The following SPANXN3 variants were observed in gnomAD, a reference collection of about 807,000 sequenced individuals.
The protein encoded by SPANXN3 is SPANX family member N3.
In SPANXN3, 1 loss-of-function variant was observed where a neutral mutation model predicts 1.9. That is an observed-to-expected ratio of 0.54 (90% confidence interval 0.19 to 2.54). SPANXN3 has a LOEUF of 2.54. Among genes scored for constraint, SPANXN3 ranks in the 30% most tolerant of loss-of-function variants. SPANXN3 has a pLI of 0.24. For missense variants in SPANXN3, 113 were observed against 96.2 expected (o/e 1.17, Z -0.73); for synonymous variants, 47 against 40.0 (o/e 1.17, Z -0.66).
intron 1 of SPANXN3, among the ~76,000 whole-genome samples, chrX:143,514,552 G>A (rs1225524991): frequency 1.4e-4 from 16 of 111,224 alleles, no homozygotes; most frequent in African/African-American, 4.6e-4. Context: ...GCAAATCAAC[G>A]TCACTCACAT....
chrX:143,517,035 A>C (rs2124261483), intron 1 of SPANXN3, among the ~76,000 whole-genome samples: 1 of 111,397 alleles, frequency 9.0e-6, no homozygotes, highest in African/African-American at 3.3e-5. Context: ...GCAAAGTTTC[A>C]AGATACACCA....
chrX:143,511,515 C>T (rs1210261888), intron 1 of SPANXN3, among the ~76,000 whole-genome samples: 22 of 111,015 alleles, frequency 2.0e-4, no homozygotes, highest in African/African-American at 7.2e-4. Context: ...CTCAAACCTC[C>T]AAAGAGACTT....
intron 1 of SPANXN3, among the ~76,000 whole-genome samples, chrX:143,513,296 G>A (rs1232411512): frequency 8.9e-6 from 1 of 111,824 alleles, no homozygotes; most frequent in Admixed American, 9.4e-5. Flanking sequence ...CACCAAGCCC[G>A]TTACTTTGTA....
intron 1 of SPANXN3, 42 bp from the exon 2 acceptor site, chrX:143,509,204 G>T (rs1451794255): frequency 2.6e-5 from 28 of 1,097,445 alleles, no homozygotes; most frequent in Non-Finnish European, 3.5e-5. Flanking sequence ...CATTATTTTG[G>T]GTGAATAGGA....
intron 1 of SPANXN3, among the ~76,000 whole-genome samples, chrX:143,515,928 G>C (rs188835465): frequency 2.9e-4 from 32 of 111,797 alleles, no homozygotes; most frequent in African/African-American, 1.0e-3. Flanking sequence ...AACTGAATAT[G>C]TTACAAACGG....
intron 1 of SPANXN3, among the ~76,000 whole-genome samples, chrX:143,515,263 C>G (rs185912893): frequency 9.9e-4 from 110 of 110,901 alleles, no homozygotes; most frequent in African/African-American, 3.3e-3. Flanking sequence ...TACACCATTC[C>G]AAACTAAAAA....
chrX:143,509,323 G>A (rs1556411380), intron 1 of SPANXN3, among the ~76,000 whole-genome samples, 161 bp from the exon 2 acceptor site: 1 of 111,168 alleles, frequency 9.0e-6, no homozygotes, highest in Non-Finnish European at 1.9e-5. Flanking sequence ...CTATGCAGAA[G>A]AAGAAGAGGA....
chrX:143,516,979 C>T (rs782582661), intron 1 of SPANXN3, among the ~76,000 whole-genome samples: 63 of 112,080 alleles, frequency 5.6e-4, no homozygotes, highest in South Asian at 1.1e-3. Flanking sequence ...TAACACAAGA[C>T]GGACAAAGGT....
At position 143,508,794 on chromosome X, in the gene SPANXN3, A is replaced by G; in HGVS notation, c.*21T>C. The G allele has an allele frequency of 1.7e-6, 2 of 1,163,931 alleles. No homozygotes were observed. The highest frequency in any genetic ancestry group is 1.2e-6 in the Non-Finnish European group (1 of 858,417). ...GCCATCAGTGGTGATGATTTGTCCA[A>G]TTTGGTTTCTCCATGTGTGACTAAT... On this transcript the variant is annotated 3_prime_UTR_variant, in exon 2 of 2. Transcript: ENST00000370503.
intron 1 of SPANXN3, among the ~76,000 whole-genome samples, chrX:143,512,508 AC>A (rs1396176799): frequency 9.0e-6 from 1 of 111,180 alleles, no homozygotes; most frequent in Non-Finnish European, 1.9e-5. Flanking sequence ...GACGGGACTT[AC>A]CCCTTTGTCC....
At chrX:143,516,632 T>TAA (rs1405464367) in intron 1 of SPANXN3, 4 of 111,785 alleles carry the variant, frequency 3.6e-5, no homozygotes, top group African/African-American at 1.3e-4. Flanking sequence ...TCCCGCTTTA[T>TAA]CTCCCGAAGG....
intron 1 of SPANXN3, chrX:143,509,470 G>T (rs191477916): frequency 2.3e-4 from 59 of 255,819 alleles, no homozygotes; most frequent in Non-Finnish European, 3.3e-4. Flanking sequence ...CTGACCACAA[G>T]GTGGACAAAG....
chrX:143,516,440 T>TA (rs1277137852), intron 1 of SPANXN3, among the ~76,000 whole-genome samples: 11 of 111,902 alleles, frequency 9.8e-5, no homozygotes, highest in Non-Finnish European at 2.1e-4. Context: ...CAGGTTCCTT[T>TA]AGTAGCTTCT....
intron 1 of SPANXN3, chrX:143,509,500 C>G (rs868921917): frequency 1.8e-5 from 4 of 218,854 alleles, no homozygotes; most frequent in Middle Eastern, 1.6e-3. Context: ...AAGAAACATC[C>G]CTATCATAAG....
In SPANXN3 at chrX:143,512,125, C is replaced by A. The variant is rs782454770; in HGVS notation, c.79-2963G>T. ...TCCTGGTTATCCCTCAGTCCCCTAC[C>A]CCTATCTTGGGGTGGGACATATTAA... On this transcript the variant is annotated intron_variant, in intron 1 of 1. Transcript: ENST00000370503. Among the ~76,000 whole-genome samples the A allele has an allele frequency of 1.4e-4, 15 of 110,686 alleles. No individual in the cohort carries two copies. In the South Asian group the frequency reaches 5.5e-3, roughly 41 times the overall value.
chrX:143,514,014 G>C (rs1226025587), intron 1 of SPANXN3, among the ~76,000 whole-genome samples: 3 of 111,843 alleles, frequency 2.7e-5, no homozygotes, highest in African/African-American at 9.8e-5. Flanking sequence ...CAGGAACAGG[G>C]TTTCCTAACT....
chrX:143,517,348 C>A lies in SPANXN3; in HGVS notation c.44G>T (p.Ser15Ile). 1 of 1,211,408 alleles carries A rather than the reference C, an allele frequency of 8.3e-7. No individual in the cohort carries two copies. The highest frequency in any genetic ancestry group is 1.1e-6 in the Non-Finnish European group (1 of 895,338). ...TSSTNGEKTK[S>I]PCESNNKKND... ...TTTTTTGTTATTGGATTCACAGGGG[C>A]TCTTCGTCTTCTCCCCATTGGTGCT... The change falls in exon 1 of 2, where the codon AGC becomes ATC. Residue 15 changes from serine (S) to isoleucine (I), a missense_variant. Transcript: ENST00000370503.
Position 143,517,296 on chromosome X carries a change from AAAAC to A in SPANXN3, c.78+14_78+17del, listed in dbSNP as rs782299576. 8.3e-7 allele frequency: 1 copy of A among 1,205,608 alleles called. No individual in the cohort carries two copies. The highest frequency in any genetic ancestry group is 1.1e-6 in the Non-Finnish European group (1 of 892,618). ...TTTCTTTCACCCTCACCTTCCCTTC[AAAAC>A]CTGACAATCTTACCTCATCATTTTT... On this transcript the variant is annotated intron_variant, in intron 1 of 1. Coordinates refer to ENST00000370503, the MANE Select transcript of SPANXN3 (RefSeq NM_001009609.4).
At chrX:143,517,016 T>C (rs782232741) in intron 1 of SPANXN3, among the ~76,000 whole-genome samples, 7 of 111,466 alleles carry the variant, frequency 6.3e-5, no homozygotes, top group Non-Finnish European at 9.4e-5. Flanking sequence ...TCCTATCATA[T>C]CTTGCTGGGC....
Sources: gnomAD v4.1 joint callset for allele counts (sites outside exome capture counted in the v4.1 genomes callset) on GRCh38, gnomAD v4.1.1 for gene constraint, MANE v1.5 for transcripts, NCBI Gene and HGNC (gene_info 2026-07-23, HGNC 2026-07-21) for gene names.